The following BEND7 variants were observed in gnomAD, a reference collection of about 807,000 sequenced individuals.
BEND7 encodes BEN domain containing 7.
Under a neutral mutation model 50.9 loss-of-function variants are expected in BEND7, and 28 were observed. That is an observed-to-expected ratio of 0.55 (90% CI 0.41 to 0.75). The LOEUF (loss-of-function observed/expected upper bound fraction) is 0.75. Ranked by LOEUF, BEND7 falls within the 30% of genes least tolerant of loss-of-function variation. The pLI is 0.00. For missense variants in BEND7, 477 were observed against 491.3 expected, an observed-to-expected ratio of 0.97 and a Z score of 0.28; for synonymous variants, 170 against 183.9, an observed-to-expected ratio of 0.92 and a Z score of 0.61.
intron 7 of BEND7, among the ~76,000 whole-genome samples, chr10:13,451,815 T>C (rs571725199): frequency 6.1e-4 from 82 of 135,414 alleles, no homozygotes; most frequent in African/African-American, 2.3e-3. Context: ...TGTGTCCATG[T>C]GTTCTCATTG....
intron 4 of BEND7, among the ~76,000 whole-genome samples, chr10:13,494,577 G>T (rs2076906181): frequency 6.6e-6 from 1 of 152,186 alleles, no homozygotes; most frequent in South Asian, 2.1e-4. Flanking sequence ...CTTCTCTTTG[G>T]TCTCTCTGCA....
intron 6 of BEND7, among the ~76,000 whole-genome samples, chr10:13,474,102 A>G (rs1338004633): frequency 1.3e-5 from 2 of 151,958 alleles, no homozygotes; most frequent in Non-Finnish European, 1.5e-5. Flanking sequence ...GATACCTGTC[A>G]TTGCTGTTAG....
intron 7 of BEND7, among the ~76,000 whole-genome samples, chr10:13,449,702 T>C (rs1837275713): frequency 6.6e-6 from 1 of 152,218 alleles, no homozygotes; most frequent in African/African-American, 2.4e-5. Flanking sequence ...GACCTTCCTT[T>C]TGTAATTCAG....
intron 6 of BEND7, among the ~76,000 whole-genome samples, chr10:13,461,521 TC>T (rs1564266280): frequency 1.3e-5 from 2 of 152,192 alleles, no homozygotes; most frequent in African/African-American, 4.8e-5. Context: ...TCACTTTCAG[TC>T]AGGAGTTTGA....
intron 5 of BEND7, among the ~76,000 whole-genome samples, chr10:13,482,092 T>C (rs1430775289): frequency 3.3e-5 from 5 of 152,226 alleles, no homozygotes; most frequent in Non-Finnish European, 7.3e-5. Context: ...AGACATATGA[T>C]TCTATTTCTT....
chr10:13,521,175 C>T (rs1212406188), intron 2 of BEND7, among the ~76,000 whole-genome samples: 1 of 152,070 alleles, frequency 6.6e-6, no homozygotes, highest in Admixed American at 6.5e-5. Flanking sequence ...AGCTCTGCTC[C>T]CCTTTGATCT....
intron 2 of BEND7, among the ~76,000 whole-genome samples, chr10:13,503,838 G>T (rs1254847971): frequency 1.4e-4 from 22 of 152,240 alleles, no homozygotes; most frequent in Admixed American, 1.4e-3. Flanking sequence ...GAAGGTTGAA[G>T]AAGGGCAGAG....
In BEND7 at chr10:13,467,361, C is replaced by G. The variant is rs558891340; in HGVS notation, c.1063+13538G>C. Among the ~76,000 whole-genome samples, 3 of 152,150 alleles carry G rather than the reference C, an allele frequency of 2.0e-5. No homozygotes were observed. In the South Asian group the frequency reaches 6.2e-4, roughly 32 times the overall value. ...GGCACATTTAGCCTAACTATGGATTCCGTTATTAGGTTTATTTAAACCAAA... is the reference window on the plus strand; with the variant it reads ...GGCACATTTAGCCTAACTATGGATTGCGTTATTAGGTTTATTTAAACCAAA... On this transcript the variant is annotated intron_variant, in intron 6 of 8. Coordinates refer to ENST00000466271, the MANE Select transcript of BEND7 (RefSeq NM_001369863.1).
Position 13,480,895 on chromosome 10 carries a change from C to T in BEND7, c.1063+4G>A. 1 of 1,613,990 alleles carries T rather than the reference C, an allele frequency of 6.2e-7. No homozygotes were observed. Among genetic ancestry groups the T allele is most frequent in the Non-Finnish European group, 8.5e-7 (1 of 1,179,956 alleles). On this transcript the variant is annotated splice_donor_region_variant and intron_variant, in intron 6 of 8. Transcript: ENST00000466271. ...ACCCACAAAATGAAATGATGCAGAC[C>T]AACCTTTTATTGCACCCACAATATT...
At chr10:13,453,072 T>C (rs1362302949) in intron 6 of BEND7, among the ~76,000 whole-genome samples, 1 of 152,152 alleles carries the variant, frequency 6.6e-6, no homozygotes, top group East Asian at 1.9e-4. Flanking sequence ...GAAAAGATGG[T>C]CTTTCTCCTG....
chr10:13,505,871 A>G (rs1194563253), intron 2 of BEND7, among the ~76,000 whole-genome samples: 2 of 152,124 alleles, frequency 1.3e-5, no homozygotes, highest in African/African-American at 4.8e-5. Context: ...CGTTCCATAA[A>G]CCTTTCTTAA....
At chr10:13,447,134 G>C (rs1035278186) in intron 8 of BEND7, 132 bp downstream of exon 8, 1 of 861,240 alleles carries the variant, frequency 1.2e-6, no homozygotes, top group African/African-American at 1.9e-5. Context: ...CTCCAATGAC[G>C]GGGCCTGGTC....
intron 1 of BEND7, among the ~76,000 whole-genome samples, chr10:13,527,019 C>T (rs542374455): frequency 6.6e-6 from 1 of 152,300 alleles, no homozygotes; most frequent in South Asian, 2.1e-4. Flanking sequence ...TCCTCCTTAA[C>T]ACCTAGTCCC....
intron 6 of BEND7, among the ~76,000 whole-genome samples, chr10:13,455,783 A>G (rs1353252048): frequency 1.3e-5 from 2 of 152,130 alleles, no homozygotes; most frequent in African/African-American, 4.8e-5. Flanking sequence ...GCTGGAGCAA[A>G]CACTCCTGAG....
intron 2 of BEND7, among the ~76,000 whole-genome samples, chr10:13,519,661 C>T (rs539360532): frequency 6.6e-6 from 1 of 152,302 alleles, no homozygotes; most frequent in South Asian, 2.1e-4. Context: ...AGGAAAACCC[C>T]TCAAGAGTGT....
intron 6 of BEND7, 51 bp downstream of exon 6, chr10:13,480,848 T>C: frequency 1.2e-6 from 2 of 1,607,660 alleles, no homozygotes; most frequent in Admixed American, 1.7e-5. Flanking sequence ...CGTTACGGAA[T>C]GAAGGGAAAG....
At chr10:13,527,823 ACC>A in intron 1 of BEND7, 1 of 983,396 alleles carries the variant, frequency 1.0e-6, no homozygotes, top group Non-Finnish European at 1.2e-6. Flanking sequence ...CAAAATACAA[ACC>A]CTAGAGTGTG....
In BEND7 at chr10:13,455,416, C is replaced by T. The variant is rs150778542; in HGVS notation, c.1064-2758G>A. On this transcript the variant is annotated intron_variant, in intron 6 of 8. Transcript: ENST00000466271. ...TTCTCATAAAAAGGAGGGACCAGCA[C>T]GCTGCATTGCAGAAGAGGGACAGAA... Among the ~76,000 whole-genome samples, 22 of 151,978 alleles carry T rather than the reference C, an allele frequency of 1.4e-4. No individual in the cohort carries two copies. In the East Asian group the frequency reaches 2.1e-3, roughly 15 times the overall value.
At chr10:13,459,434 T>C (rs1460921555) in intron 6 of BEND7, 5 of 152,360 alleles carry the variant, frequency 3.3e-5, no homozygotes, top group Middle Eastern at 3.4e-3. Flanking sequence ...TCATTCTCCA[T>C]TTTCAAGGAG....
Sources: allele counts gnomAD v4.1 joint callset (sites outside exome capture counted in the v4.1 genomes callset), GRCh38; gene constraint gnomAD v4.1.1; transcripts MANE v1.5; gene names NCBI Gene and HGNC (gene_info 2026-07-23, HGNC 2026-07-21).